PPP3CA: variants seen among roughly 807,000 people sequenced by gnomAD.
PPP3CA encodes protein phosphatase 3 catalytic subunit alpha.
Under a neutral mutation model 66.5 loss-of-function variants are expected in PPP3CA, and 14 were observed. The ratio of observed to expected loss-of-function variants is 0.21; its 90% CI spans 0.14 to 0.33. PPP3CA has a LOEUF of 0.33. Ranked by LOEUF, PPP3CA falls within the 10% of genes least tolerant of loss-of-function variation. PPP3CA has a pLI of 1.00. For synonymous variants in PPP3CA, 232 were observed against 226.2 expected (o/e 1.03, Z -0.23); for missense variants, 317 against 639.5 (o/e 0.50, Z 5.44).
intron 1 of PPP3CA, among the ~76,000 whole-genome samples, chr4:101,337,579 T>C (rs562851233): frequency 1.3e-5 from 2 of 152,240 alleles, no homozygotes; most frequent in Non-Finnish European, 2.9e-5. Context: ...AGATTTTATG[T>C]AGGAAACTAT....
intron 2 of PPP3CA, among the ~76,000 whole-genome samples, chr4:101,147,793 G>A (rs1506805): frequency 0.98 from 149,607 of 152,274 alleles, 73,487 homozygotes; most frequent in East Asian, 1. Flanking sequence ...TCTGTGGCTA[G>A]CAACAGCCTA....
intron 2 of PPP3CA, among the ~76,000 whole-genome samples, chr4:101,159,817 T>C (rs969627460): frequency 6.6e-6 from 1 of 152,108 alleles, no homozygotes; most frequent in African/African-American, 2.4e-5. Context: ...GATTCTAAAA[T>C]AGGTATCAAC....
chr4:101,029,328 GACA>G, intron 12 of PPP3CA, 133 bp from the exon 13 acceptor site: 1 of 181,630 alleles, frequency 5.5e-6, no homozygotes, highest in South Asian at 6.4e-5. Context: ...TTCTGGCACA[GACA>G]ACAAAACAGA....
chr4:101,263,689 T>G (rs576460765), intron 1 of PPP3CA, among the ~76,000 whole-genome samples: 1 of 152,026 alleles, frequency 6.6e-6, no homozygotes, highest in Non-Finnish European at 1.5e-5. Context: ...AGTGCCGTGC[T>G]GACCACTAGA....
chr4:101,105,743 T>G (rs1169124899), intron 3 of PPP3CA, among the ~76,000 whole-genome samples: 1 of 152,136 alleles, frequency 6.6e-6, no homozygotes, highest in Admixed American at 6.5e-5. Flanking sequence ...AATAAGCAAG[T>G]GTTGTGACCT....
intron 2 of PPP3CA, among the ~76,000 whole-genome samples, chr4:101,187,983 T>A (rs941123685): frequency 6.6e-6 from 1 of 152,122 alleles, no homozygotes; most frequent in Non-Finnish European, 1.5e-5. Context: ...ATATTCTTCA[T>A]AAGCAATATA....
intron 8 of PPP3CA, among the ~76,000 whole-genome samples, chr4:101,076,652 A>G (rs770226725): frequency 3.3e-5 from 5 of 152,172 alleles, no homozygotes; most frequent in Non-Finnish European, 7.4e-5. Context: ...CAGAAAGCCA[A>G]AGTTGCTCAG....
intron 10 of PPP3CA, among the ~76,000 whole-genome samples, chr4:101,052,767 T>A (rs1728066447): frequency 6.6e-6 from 1 of 152,024 alleles, no homozygotes; most frequent in African/African-American, 2.4e-5. Flanking sequence ...CCCTTGCATA[T>A]AATTTCCTTG....
chr4:101,049,596 T>C (rs781121442), intron 10 of PPP3CA, among the ~76,000 whole-genome samples: 17 of 152,024 alleles, frequency 1.1e-4, no homozygotes, highest in Non-Finnish European at 1.8e-4. Context: ...AACTGTTTAA[T>C]AGGATTTACT....
chr4:101,161,631 T>C (rs1723512133), intron 2 of PPP3CA, among the ~76,000 whole-genome samples: 1 of 152,176 alleles, frequency 6.6e-6, no homozygotes. Context: ...ATTAGGATTT[T>C]ACACAATTCT....
chr4:101,275,861 GTTTT>G (rs35746779), intron 1 of PPP3CA, among the ~76,000 whole-genome samples: 1 of 144,630 alleles, frequency 6.9e-6, no homozygotes. Context: ...TGTATGTGTG[GTTTT>G]TTTTTTGTTT....
intron 2 of PPP3CA, among the ~76,000 whole-genome samples, chr4:101,118,703 G>A (rs1309178440): frequency 6.6e-6 from 1 of 151,232 alleles, no homozygotes; most frequent in Non-Finnish European, 1.5e-5. Context: ...TAGTCAATAA[G>A]TGATGCCTTC....
intron 1 of PPP3CA, among the ~76,000 whole-genome samples, chr4:101,344,407 G>C (rs1216438576): frequency 1.3e-5 from 2 of 152,044 alleles, no homozygotes; most frequent in Non-Finnish European, 2.9e-5. Flanking sequence ...TATTCTACAA[G>C]AAAACAGGAT....
intron 2 of PPP3CA, among the ~76,000 whole-genome samples, chr4:101,149,940 T>C (rs1198512711): frequency 6.6e-6 from 1 of 152,134 alleles, no homozygotes; most frequent in Non-Finnish European, 1.5e-5. Flanking sequence ...ATTTTAAAGA[T>C]GAGTAAACTA....
intron 2 of PPP3CA, among the ~76,000 whole-genome samples, chr4:101,121,329 T>C (rs1722021779): frequency 6.6e-6 from 1 of 152,130 alleles, no homozygotes; most frequent in African/African-American, 2.4e-5. Context: ...CTGCATTACC[T>C]TATAAACATT....
Position 101,134,561 on chromosome 4 carries a change from T to A in PPP3CA, c.260-25483A>T, listed in dbSNP as rs180971491. Among the ~76,000 whole-genome samples, 5 of 152,250 alleles carry A rather than the reference T, an allele frequency of 3.3e-5. No individual in the cohort carries two copies. In the East Asian group the frequency reaches 9.7e-4, roughly 29 times the overall value. ...CACGCCAGTTAGAATGGCCATATCA[T>A]TAAAACATGAGGAAACAACAGATGC... On this transcript the variant is annotated intron_variant, in intron 2 of 13. Coordinates refer to ENST00000394854, the MANE Select transcript of PPP3CA (RefSeq NM_000944.5).
chr4:101,066,309 G>C lies in PPP3CA; in HGVS notation c.956-2952C>G, dbSNP rs76156218. On this transcript the variant is annotated intron_variant, in intron 8 of 13. Coordinates refer to ENST00000394854, the MANE Select transcript of PPP3CA (RefSeq NM_000944.5). ...AGCCAGGAGGCCAGACTACAAGATG[G>C]AATCTGTCACTAATTATTCACCAGA... is the stretch of plus-strand genomic sequence containing the variant. Among the ~76,000 whole-genome samples, 140 of 152,198 alleles carry C rather than the reference G, an allele frequency of 9.2e-4. 2 individuals are homozygous for C. The East Asian group carries it at 0.026, about 28-fold the overall frequency.
At chr4:101,189,687 C>CA (rs554383258) in intron 2 of PPP3CA, among the ~76,000 whole-genome samples, 7,132 of 72,244 alleles carry the variant, frequency 0.099, 808 homozygotes, top group African/African-American at 0.27. Context: ...TAGTGAACGG[C>CA]AAAAAAAAAA....
At chr4:101,044,680 CCTAGGGTATCATGT>C (rs1355111592) in intron 10 of PPP3CA, among the ~76,000 whole-genome samples, 3 of 151,946 alleles carry the variant, frequency 2.0e-5, no homozygotes, top group Admixed American at 1.3e-4. Context: ...TTCTTTTATG[CCTAGGGTATCATGT>C]TACTATTTCC....
Sources: gnomAD v4.1 joint callset for allele counts (sites outside exome capture counted in the v4.1 genomes callset) on GRCh38, gnomAD v4.1.1 for gene constraint, MANE v1.5 for transcripts, NCBI Gene and HGNC (gene_info 2026-07-23, HGNC 2026-07-21) for gene names.